Variants in DMWD observed in about 807,000 individuals in gnomAD.
The protein encoded by DMWD is dystrophia myotonica WD repeat-containing protein.
Under a neutral mutation model 45.8 loss-of-function variants are expected in DMWD, and 19 were observed. The observed-to-expected ratio is 0.41, with a 90% CI of 0.29 to 0.61. The LOEUF (loss-of-function observed/expected upper bound fraction) is 0.61, where lower values mean the gene tolerates loss of function less well. Among genes scored for constraint, DMWD ranks in the 20% least tolerant of loss-of-function variants. The pLI is 0.25. For synonymous variants in DMWD, 515 were observed against 440.5 expected (o/e 1.17, Z -2.12); for missense variants, 802 against 965.2 (o/e 0.83, Z 2.24).
At position 45,786,422 on chromosome 19, in the gene DMWD, G is replaced by A. The variant is rs1255346798; in HGVS notation, c.1074C>T (p.Gly358=). Residue 358 remains glycine (G), a synonymous_variant, in exon 3 of 5, where the codon GGC becomes GGT. Coordinates refer to ENST00000270223, the MANE Select transcript of DMWD (RefSeq NM_004943.2). ...DLVTVWSFTE[G]RVVARGHGHK... ...GGCCATGGCCTCGAGCCACCACGCG[G>A]CCCTCGGTGAAGGACCACACGGTGA... The A allele has an allele frequency of 1.2e-6, 2 of 1,613,390 alleles. No homozygotes were observed. The highest frequency in any genetic ancestry group is 1.7e-6 in the Non-Finnish European group (2 of 1,179,614).
chr19:45,784,867 C>G (rs901440310), intron 3 of DMWD, 152 bp from the exon 4 acceptor site: 1 of 1,314,958 alleles, frequency 7.6e-7, no homozygotes, highest in Non-Finnish European at 1.0e-6. Flanking sequence ...CAAGCCACGG[C>G]CTCCAGGACC....
intron 2 of DMWD, among the ~76,000 whole-genome samples, chr19:45,787,515 A>T (rs963167915): frequency 1.2e-4 from 19 of 152,158 alleles, no homozygotes; most frequent in African/African-American, 4.6e-4. Context: ...GTATCTGTCT[A>T]ACCCTCCCCC....
Position 45,783,834 on chromosome 19 carries a change from A to C in DMWD, c.*409T>G. On this transcript the variant is annotated 3_prime_UTR_variant, in exon 5 of 5. Transcript: ENST00000270223. ...CTCTTCAAAAGCACAGACAATAGCAAGGGCAGCTGGGGTGGGGGCCGGGCG... is the reference window on the plus strand; with the variant it reads ...CTCTTCAAAAGCACAGACAATAGCACGGGCAGCTGGGGTGGGGGCCGGGCG... The C allele has an allele frequency of 2.2e-6, 1 of 464,496 alleles. No homozygotes were observed. Among genetic ancestry groups the C allele is most frequent in the Admixed American group, 4.3e-5 (1 of 23,042 alleles). The allele number at this position is 464,496 out of a possible 1,614,324, so 28.8% of individuals were successfully genotyped here. A position where few individuals can be genotyped will look rare whatever the true frequency, so the allele number is the denominator to read the frequency against.
intron 2 of DMWD, 142 bp downstream of exon 2, chr19:45,790,763 A>G (rs754554110): frequency 5.6e-6 from 5 of 886,188 alleles, no homozygotes; most frequent in Non-Finnish European, 8.5e-6. Flanking sequence ...AGCTGTCATT[A>G]GCTGCTGTCA....
At chr19:45,792,217 C>T in intron 1 of DMWD, 99 bp downstream of exon 1, 3 of 1,444,276 alleles carry the variant, frequency 2.1e-6, no homozygotes, top group South Asian at 2.7e-5. Flanking sequence ...ATTTAGAATG[C>T]CTATCTCAGG....
intron 1 of DMWD, 66 bp from the exon 2 acceptor site, chr19:45,791,153 G>C: frequency 6.7e-7 from 1 of 1,500,206 alleles, no homozygotes; most frequent in East Asian, 2.3e-5. Context: ...GGATGTTGAG[G>C]TTGGGGGAAA....
At chr19:45,788,471 C>G (rs1970311762) in intron 2 of DMWD, among the ~76,000 whole-genome samples, 1 of 152,226 alleles carries the variant, frequency 6.6e-6, no homozygotes, top group Admixed American at 6.5e-5. Context: ...AGGCTTCCAA[C>G]TAAGAGTAAG....
At position 45,783,952 on chromosome 19, in the gene DMWD, G is replaced by A. The variant is rs1166865853; in HGVS notation, c.*291C>T. 12 of 585,094 alleles carry A rather than the reference G, an allele frequency of 2.1e-5. No individual in the cohort carries two copies. In the East Asian group the frequency reaches 3.6e-4, roughly 17 times the overall value. The allele number at this position is 585,094 out of a possible 1,614,324, so 36.2% of individuals were successfully genotyped here. A position where few individuals can be genotyped will look rare whatever the true frequency, so the allele number is the denominator to read the frequency against. On this transcript the variant is annotated 3_prime_UTR_variant, in exon 5 of 5. Coordinates refer to ENST00000270223, the MANE Select transcript of DMWD (RefSeq NM_004943.2). The stretch of plus-strand genomic sequence containing the variant: ...GCAGGGGCGGGGAGTCTCTCCCCAG[G>A]AGTGACCAGTCACATGCTGGGGACA...
At position 45,792,394 on chromosome 19, in the gene DMWD, C is replaced by T. The variant is rs767786888; in HGVS notation, c.363G>A (p.Ser121=). 4 of 1,598,902 alleles carry T rather than the reference C, an allele frequency of 2.5e-6. No homozygotes were observed. The highest frequency in any genetic ancestry group is 3.4e-6 in the Non-Finnish European group (4 of 1,173,330). ...EPPATPAGLG[S]GGDRVCFNLG... The stretch of plus-strand genomic sequence containing the variant: ...AGTTGAAGCAGACGCGGTCTCCCCC[C>T]GAGCCCAGCCCCGCGGGCGTGGCGG... The change falls in exon 1 of 5, where the codon TCG becomes TCA. Residue 121 remains serine, a synonymous_variant. Coordinates refer to ENST00000270223, the MANE Select transcript of DMWD (RefSeq NM_004943.2).
In DMWD at chr19:45,786,635, G is replaced by A; in HGVS notation, c.861C>T (p.Leu287=). 1 of 1,613,126 alleles carries A rather than the reference G, an allele frequency of 6.2e-7. No individual in the cohort carries two copies. Among genetic ancestry groups the A allele is most frequent in the African/African-American group, 1.3e-5 (1 of 75,046 alleles). The change falls in exon 3 of 5, where the codon CTC becomes CTT. Residue 287 remains leucine, a synonymous_variant. Transcript: ENST00000270223. ...LAKWAVGEGP[L]NEFAFSPDGR... ...CATCGGGCGAGAAGGCGAACTCGTT[G>A]AGGGGCCCCTCACCCACCGCCCACT... is the stretch of plus-strand genomic sequence containing the variant.
intron 2 of DMWD, 130 bp downstream of exon 2, chr19:45,790,775 C>T: frequency 9.6e-7 from 1 of 1,042,258 alleles, no homozygotes; most frequent in Non-Finnish European, 1.4e-6. Flanking sequence ...CTGCTGTCAC[C>T]CCATTCTCCA....
chr19:45,790,701 A>G, intron 2 of DMWD: 1 of 460,534 alleles, frequency 2.2e-6, no homozygotes, highest in Non-Finnish European at 3.8e-6. Context: ...CCCAAGGAGT[A>G]AAGTATTCAG....
chr19:45,788,477 G>A (rs1970311885), intron 2 of DMWD, among the ~76,000 whole-genome samples: 1 of 152,202 alleles, frequency 6.6e-6, no homozygotes, highest in Non-Finnish European at 1.5e-5. Context: ...CCAACTAAGA[G>A]TAAGGCAAAA....
chr19:45,787,369 T>C (rs1970295278), intron 2 of DMWD, among the ~76,000 whole-genome samples: 1 of 152,102 alleles, frequency 6.6e-6, no homozygotes, highest in South Asian at 2.1e-4. Flanking sequence ...GATCTAGGTG[T>C]GCGCTCCTTA....
Position 45,786,769 on chromosome 19 carries a change from C to T in DMWD, c.727G>A (p.Val243Ile). 10 of 1,614,176 alleles carry T rather than the reference C, an allele frequency of 6.2e-6. No individual in the cohort carries two copies. Among genetic ancestry groups the T allele is most frequent in the Non-Finnish European group, 8.5e-6 (10 of 1,180,044 alleles). The change falls in exon 3 of 5, where the codon GTC (valine) becomes ATC (isoleucine). Residue 243 changes from valine to isoleucine, a missense_variant. By Grantham distance (29) the Val-to-Ile change is conservative (BLOSUM62 3). Transcript: ENST00000270223. ...GGGGCCGAGGCGCAGGGGTGGCTGA[C>T]GTTGTACAGGTACAGGTGGCCACTG... The part of the protein sequence containing the change: ...HASGHLYLYN[V>I]SHPCASAPPQ...
Position 45,785,879 on chromosome 19 carries a change from C to T in DMWD, c.1617G>A (p.Glu539=). The T allele has an allele frequency of 6.2e-7, 1 of 1,605,736 alleles. No individual in the cohort carries two copies. Among genetic ancestry groups the T allele is most frequent in the African/African-American group, 1.3e-5 (1 of 75,042 alleles). ...QERRDRGAEK[E]HKRYHSLGNI... is the part of the protein sequence containing the mutation. ...TGCCCAGGCTGTGGTAGCGCTTGTG[C>T]TCCTTCTCTGCCCCCCGGTCCCGCC... The change falls in exon 3 of 5, where the codon GAG becomes GAA. Residue 539 remains glutamate (E), a synonymous_variant. Transcript: ENST00000270223.
intron 2 of DMWD, among the ~76,000 whole-genome samples, chr19:45,788,270 T>A (rs1007772294): frequency 7.2e-5 from 11 of 152,172 alleles, no homozygotes; most frequent in Non-Finnish European, 1.5e-5. Context: ...TCTGAACACT[T>A]CGCAGCCTCT....
At position 45,783,417 on chromosome 19, in the gene DMWD, C is replaced by G. The variant is rs940057499; in HGVS notation, c.*826G>C. On this transcript the variant is annotated 3_prime_UTR_variant, in exon 5 of 5. Transcript: ENST00000270223. ...CCGAGGAGTCCCAGCTGGGCAGGGC[C>G]TGGGAAACGTGGTCCTGGGCAGTTC... The G allele has an allele frequency of 3.3e-5, 13 of 395,954 alleles. No homozygotes were observed. The highest frequency in any genetic ancestry group is 2.7e-4 in the African/African-American group (13 of 48,558). 24.5% of individuals were successfully genotyped at this position (395,954 alleles called of 1,614,324 possible). A position where few individuals can be genotyped will look rare whatever the true frequency, so the allele number is the denominator to read the frequency against.
intron 2 of DMWD, 29 bp downstream of exon 2, chr19:45,790,876 A>T (rs1970347869): frequency 6.3e-7 from 1 of 1,582,016 alleles, no homozygotes; most frequent in South Asian, 1.1e-5. Flanking sequence ...GAAGGCAGAG[A>T]AGTTGGGGGC....
Sources: allele counts gnomAD v4.1 joint callset (sites outside exome capture counted in the v4.1 genomes callset), GRCh38; gene constraint gnomAD v4.1.1; transcripts MANE v1.5; gene names NCBI Gene and HGNC (gene_info 2026-07-23, HGNC 2026-07-21).